KCNQ5: variants seen among roughly 807,000 people sequenced by gnomAD.
KCNQ5 encodes potassium voltage-gated channel subfamily KQT member 5.
Under a neutral mutation model 98.2 loss-of-function variants are expected in KCNQ5, and 30 were observed. That is an observed-to-expected ratio of 0.31 (90% CI 0.23 to 0.41). The LOEUF is 0.41. Among genes scored for constraint, KCNQ5 ranks in the 10% least tolerant of loss-of-function variants. KCNQ5 has a pLI of 1.00. For missense variants in KCNQ5, 835 were observed against 1,182.5 expected (o/e 0.71, Z 4.31); for synonymous variants, 458 against 449.4 (o/e 1.02, Z -0.24).
intron 2 of KCNQ5, among the ~76,000 whole-genome samples, chr6:73,009,128 A>G (rs936036790): frequency 2.6e-5 from 4 of 152,020 alleles, no homozygotes; most frequent in African/African-American, 9.7e-5. Context: ...AGTAGCTGGG[A>G]CTACAGGCAC....
intron 1 of KCNQ5, among the ~76,000 whole-genome samples, chr6:72,700,157 C>A (rs1005751025): frequency 5.9e-5 from 9 of 152,066 alleles, no homozygotes; most frequent in African/African-American, 2.2e-4. Context: ...TTATTGTTAT[C>A]CCAACTCTTA....
chr6:72,975,032 C>T (rs1485925851), intron 1 of KCNQ5, among the ~76,000 whole-genome samples: 1 of 152,122 alleles, frequency 6.6e-6, no homozygotes, highest in African/African-American at 2.4e-5. Flanking sequence ...CCACCACTCC[C>T]GACCCTAACA....
rs989394559 is a variant in KCNQ5 at position 72,655,057 on chromosome 6, T to C, written c.398+32470T>C. On this transcript the variant is annotated intron_variant, in intron 1 of 13. Coordinates refer to ENST00000370398, the MANE Select transcript of KCNQ5 (RefSeq NM_019842.4). ...CTTTCTTTCTTTCTTTCTTTCTTTC[T>C]TTCTTTCTTTCTTTCTTTCTTTCTT... is the stretch of plus-strand genomic sequence containing the variant. Among the ~76,000 whole-genome samples, 84 of 150,218 alleles carry C rather than the reference T, an allele frequency of 5.6e-4. 1 individual carries two copies. The highest frequency in any genetic ancestry group is 1.9e-3 in the African/African-American group (76 of 41,034).
rs553246803 is a variant in KCNQ5 at position 72,708,457 on chromosome 6, C to T, written c.398+85870C>T. Among the ~76,000 whole-genome samples, 7 of 152,192 alleles carry T rather than the reference C, an allele frequency of 4.6e-5. No individual in the cohort carries two copies. In the East Asian group the frequency reaches 1.2e-3, roughly 25 times the overall value. On this transcript the variant is annotated intron_variant, in intron 1 of 13. Coordinates refer to ENST00000370398, the MANE Select transcript of KCNQ5 (RefSeq NM_019842.4). Reference sequence around the variant, plus strand: ...CGTTCTTAAAGACATGAAATCACTTCGAATTTTACTCTATTGCAAAGAGAA... The same window carrying T: ...CGTTCTTAAAGACATGAAATCACTTTGAATTTTACTCTATTGCAAAGAGAA...
intron 1 of KCNQ5, among the ~76,000 whole-genome samples, chr6:72,754,160 A>C (rs1369080820): frequency 6.6e-6 from 1 of 152,086 alleles, no homozygotes; most frequent in Non-Finnish European, 1.5e-5. Context: ...TTATAGGTTA[A>C]CTTAAGGTGC....
chr6:73,150,409 C>G (rs1777102635), intron 10 of KCNQ5, among the ~76,000 whole-genome samples: 2 of 148,172 alleles, frequency 1.3e-5, no homozygotes, highest in African/African-American at 4.9e-5. Flanking sequence ...TTTGTAATGA[C>G]CCAAAACTGG....
At chr6:72,893,114 G>T (rs1205882365) in intron 1 of KCNQ5, among the ~76,000 whole-genome samples, 2 of 152,148 alleles carry the variant, frequency 1.3e-5, no homozygotes, top group African/African-American at 4.8e-5. Context: ...TGAGCATGCT[G>T]CCAGCAGAAG....
At chr6:72,705,188 GT>G (rs1769009439) in intron 1 of KCNQ5, among the ~76,000 whole-genome samples, 1 of 152,124 alleles carries the variant, frequency 6.6e-6, no homozygotes, top group South Asian at 2.1e-4. Context: ...ACCATGGGGC[GT>G]ACTAAATAAC....
chr6:72,675,903 C>T (rs543297780), intron 1 of KCNQ5, among the ~76,000 whole-genome samples: 19 of 152,234 alleles, frequency 1.2e-4, no homozygotes, highest in African/African-American at 3.9e-4. Context: ...ACATTTTAAC[C>T]TAGTTTACTA....
rs144135785 is a variant in KCNQ5, at chr6:72,775,282, A to G, written c.398+152695A>G. On this transcript the variant is annotated intron_variant, in intron 1 of 13. Coordinates refer to ENST00000370398, the MANE Select transcript of KCNQ5 (RefSeq NM_019842.4). The stretch of plus-strand genomic sequence containing the variant: ...CACCTCCCCCAAAAAATATTGAGTG[A>G]AAGAAGCCAGAAGCAAATGAACACA... Among the ~76,000 whole-genome samples the G allele has an allele frequency of 5.6e-4, 86 of 152,336 alleles. No homozygotes were observed. In the East Asian group the frequency reaches 0.011, roughly 20 times the overall value.
intron 1 of KCNQ5, among the ~76,000 whole-genome samples, chr6:72,941,410 C>G (rs1320898967): frequency 8.0e-6 from 1 of 124,594 alleles, no homozygotes; most frequent in African/African-American, 3.2e-5. Flanking sequence ...CTCCTTCCCT[C>G]CCTCCCTTCT....
intron 1 of KCNQ5, among the ~76,000 whole-genome samples, chr6:72,984,604 G>A (rs1582138518): frequency 6.6e-6 from 1 of 152,202 alleles, no homozygotes; most frequent in Admixed American, 6.5e-5. Flanking sequence ...CGATTTTCCA[G>A]GTACAGTCTG....
rs73756519 is a variant in KCNQ5 at position 72,787,567 on chromosome 6, C to T, written c.398+164980C>T. ...AAAAAAAAAAAATTGAATGCTGTAG[C>T]CAATCTATGTAGGAAGCCAAAGTAA... On this transcript the variant is annotated intron_variant, in intron 1 of 13. Coordinates refer to ENST00000370398, the MANE Select transcript of KCNQ5 (RefSeq NM_019842.4). Among the ~76,000 whole-genome samples the T allele has an allele frequency of 3.9e-3, 593 of 152,088 alleles. 3 individuals carry two copies. The highest frequency in any genetic ancestry group is 0.014 in the Middle Eastern group (4 of 292).
intron 3 of KCNQ5, among the ~76,000 whole-genome samples, chr6:73,060,538 A>C (rs1772731807): frequency 6.6e-6 from 1 of 152,200 alleles, no homozygotes; most frequent in Admixed American, 6.5e-5. Flanking sequence ...TACAAAAGTC[A>C]TAGGAGAAAA....
intron 1 of KCNQ5, among the ~76,000 whole-genome samples, chr6:72,922,307 A>G (rs189350145): frequency 1.3e-5 from 2 of 152,336 alleles, no homozygotes; most frequent in East Asian, 1.9e-4. Flanking sequence ...TTGAGAAATA[A>G]TATTGTATAT....
chr6:72,708,931 C>G (rs989442326), intron 1 of KCNQ5, among the ~76,000 whole-genome samples: 2 of 152,114 alleles, frequency 1.3e-5, no homozygotes, highest in Non-Finnish European at 2.9e-5. Flanking sequence ...AGGTTCCTAC[C>G]ATGATATGGT....
chr6:72,919,999 C>T (rs549705419), intron 1 of KCNQ5, among the ~76,000 whole-genome samples: 4 of 152,206 alleles, frequency 2.6e-5, no homozygotes, highest in African/African-American at 4.8e-5. Flanking sequence ...CTGCCTCTAC[C>T]TCCATTATAT....
chr6:72,982,279 G>T (rs1768499948), intron 1 of KCNQ5, among the ~76,000 whole-genome samples: 1 of 152,114 alleles, frequency 6.6e-6, no homozygotes, highest in African/African-American at 2.4e-5. Context: ...TTATTATTGT[G>T]TGGGAGTCTA....
At chr6:72,826,082 G>A (rs1775981251) in intron 1 of KCNQ5, among the ~76,000 whole-genome samples, 3 of 152,042 alleles carry the variant, frequency 2.0e-5, no homozygotes, top group Admixed American at 2.0e-4. Flanking sequence ...CCACAGCAAG[G>A]AGCTTCAGCT....
Sources: allele counts gnomAD v4.1 joint callset (sites outside exome capture counted in the v4.1 genomes callset), GRCh38; gene constraint gnomAD v4.1.1; transcripts MANE v1.5; gene names NCBI Gene and HGNC (gene_info 2026-07-23, HGNC 2026-07-21).